Variants in TSPAN16 observed in about 807,000 individuals in gnomAD.
TSPAN16 encodes tetraspanin 16.
In TSPAN16, 23 loss-of-function variants were observed where a neutral mutation model predicts 25.2. That is an observed-to-expected ratio of 0.91 (90% CI 0.66 to 1.29). The LOEUF is 1.29. TSPAN16 is among the 50% of genes most tolerant of loss of function. The pLI, the probability that TSPAN16 is intolerant of heterozygous loss-of-function variation, is 0.00. For synonymous variants in TSPAN16, 123 were observed against 124.4 expected (o/e 0.99, Z 0.08); for missense variants, 272 against 299.9 (o/e 0.91, Z 0.69).
intron 6 of TSPAN16, 47 bp downstream of exon 6, chr19:11,312,269 C>G: frequency 7.5e-7 from 1 of 1,333,068 alleles, no homozygotes; most frequent in Non-Finnish European, 1.1e-6. Context: ...TATTAAGCAC[C>G]TACTGTATGC....
chr19:11,303,578 A>AAT (rs2080592913), intron 4 of TSPAN16, among the ~76,000 whole-genome samples: 1 of 45,168 alleles, frequency 2.2e-5, no homozygotes, highest in African/African-American at 1.2e-4. Context: ...TAAATAAATT[A>AAT]AAAAAAAAAA....
intron 3 of TSPAN16, among the ~76,000 whole-genome samples, chr19:11,300,153 T>C (rs57207337): frequency 6.6e-6 from 1 of 151,906 alleles, no homozygotes; most frequent in Non-Finnish European, 1.5e-5. Context: ...CTCTCCAGGA[T>C]AGAGTGCCGT....
In TSPAN16 at chr19:11,306,598, C is replaced by G. The variant is rs368795124; in HGVS notation, c.451-6C>G. ...ACTCTCCAAGTATTTCTTCTCCTCT[C>G]TATAGCTAAAGTGCTGTGGGGTGAA... On this transcript the variant is annotated splice_region_variant and splice_polypyrimidine_tract_variant and intron_variant, in intron 4 of 6. Coordinates refer to ENST00000590327, the MANE Select transcript of TSPAN16 (RefSeq NM_001282509.2). The G allele has an allele frequency of 1.2e-5, 20 of 1,613,022 alleles. No individual in the cohort carries two copies. Among genetic ancestry groups the G allele is most frequent in the Non-Finnish European group, 1.6e-5 (19 of 1,179,974 alleles).
At position 11,303,051 on chromosome 19, in the gene TSPAN16, A is replaced by C. The variant is rs1223486084; in HGVS notation, c.450+1743A>C. On this transcript the variant is annotated intron_variant, in intron 4 of 6. Transcript: ENST00000590327. ...CTGCCCCGCCACCACCCCGTCTGGG[A>C]GGTGTGCCCAACAGCTCATTGAGAA... Among the ~76,000 whole-genome samples, 3 of 150,406 alleles carry C rather than the reference A, an allele frequency of 2.0e-5. No homozygotes were observed. The East Asian group carries it at 5.8e-4, about 29-fold the overall frequency.
intron 5 of TSPAN16, among the ~76,000 whole-genome samples, chr19:11,310,090 C>A (rs774088650): frequency 6.6e-6 from 1 of 150,606 alleles, no homozygotes; most frequent in Non-Finnish European, 1.5e-5. Flanking sequence ...AGTGACAGGA[C>A]GAGACCCAAT....
chr19:11,315,866 C>T lies in TSPAN16; in HGVS notation c.*28C>T. 2 of 1,231,854 alleles carry T rather than the reference C, an allele frequency of 1.6e-6. No homozygotes were observed. The highest frequency in any genetic ancestry group is 4.1e-5 in the South Asian group (1 of 24,314). The allele number at this position is 1,231,854 out of a possible 1,614,324, so 76.3% of individuals were successfully genotyped here. A position where few individuals can be genotyped will look rare whatever the true frequency, so the allele number is the denominator to read the frequency against. ...CCCAGGCCTGGAGAAGATGAGACAC[C>T]TGGGCCCATCTGGCTGCTGGAGATT... On this transcript the variant is annotated 3_prime_UTR_variant, in exon 7 of 7. Transcript: ENST00000590327.
chr19:11,323,980 C>T (rs910883202), intron 6 of TSPAN16: 1 of 152,106 alleles, frequency 6.6e-6, no homozygotes, highest in African/African-American at 2.4e-5. Context: ...AAACTGCACA[C>T]GTAACCTCTG....
chr19:11,308,245 G>A (rs1288751214), intron 5 of TSPAN16, among the ~76,000 whole-genome samples: 2 of 152,120 alleles, frequency 1.3e-5, no homozygotes, highest in Non-Finnish European at 2.9e-5. Context: ...TTCTCTGAGG[G>A]AAGAAATAGA....
downstream of TSPAN16, among the ~76,000 whole-genome samples, chr19:11,318,019 T>C (rs1351281438): frequency 1.3e-5 from 2 of 151,638 alleles, no homozygotes; most frequent in Non-Finnish European, 1.5e-5. Flanking sequence ...CAGATCCTGA[T>C]CTTTTATTAT....
intron 5 of TSPAN16, chr19:11,308,064 G>A (rs2080649120): frequency 6.6e-6 from 1 of 152,200 alleles, no homozygotes; most frequent in South Asian, 2.1e-4. Flanking sequence ...CTCACTTTGT[G>A]AGTTTTGTCC....
chr19:11,318,326 A>T (rs1415272019), downstream of TSPAN16, among the ~76,000 whole-genome samples: 1 of 151,046 alleles, frequency 6.6e-6, no homozygotes. Flanking sequence ...CACCCAGCCT[A>T]ATTTTTTGTA....
intron 1 of TSPAN16, among the ~76,000 whole-genome samples, chr19:11,297,548 G>C (rs1261088584): frequency 6.6e-6 from 1 of 151,334 alleles, no homozygotes; most frequent in Admixed American, 6.6e-5. Context: ...CCAGGCTGGA[G>C]TGCAGTGGCA....
rs369062040 is a variant in TSPAN16, at chr19:11,296,374, T to G, written c.69+8T>G. On this transcript the variant is annotated splice_region_variant and intron_variant, in intron 1 of 6. Transcript: ENST00000590327. The stretch of plus-strand genomic sequence containing the variant: ...CTCAATGGCTTCGTGGCTGTAAGTA[T>G]GTCACAATCCAGGCCCCTGGTTTGT... 2 of 1,614,052 alleles carry G rather than the reference T, an allele frequency of 1.2e-6. No homozygotes were observed. Among genetic ancestry groups the G allele is most frequent in the African/African-American group, 1.3e-5 (1 of 75,054 alleles).
downstream of TSPAN16, among the ~76,000 whole-genome samples, chr19:11,319,112 C>T (rs893247916): frequency 2.6e-5 from 4 of 152,158 alleles, no homozygotes; most frequent in African/African-American, 7.2e-5. Context: ...GGGCTGAGTC[C>T]CACAAAACTG....
chr19:11,297,748 C>G (rs956496827), intron 1 of TSPAN16, among the ~76,000 whole-genome samples: 1 of 152,072 alleles, frequency 6.6e-6, no homozygotes, highest in Non-Finnish European at 1.5e-5. Flanking sequence ...CCACCTGCTT[C>G]GGCCTCCCAA....
chr19:11,325,215 G>A (rs1259432190), intron 6 of TSPAN16: 1 of 558,118 alleles, frequency 1.8e-6, no homozygotes, highest in Non-Finnish European at 3.2e-6. Context: ...CTCCCACCGG[G>A]GCTGCCTGAG....
intron 6 of TSPAN16, 56 bp from the exon 7 acceptor site, chr19:11,315,735 T>G: frequency 8.3e-7 from 1 of 1,201,226 alleles, no homozygotes; most frequent in Non-Finnish European, 1.0e-6. Context: ...TCCAGTATGA[T>G]TCTGGTTTGG....
At chr19:11,311,803 G>T (rs1045882732) in intron 5 of TSPAN16, among the ~76,000 whole-genome samples, 3 of 152,164 alleles carry the variant, frequency 2.0e-5, no homozygotes, top group Non-Finnish European at 2.9e-5. Context: ...TGGAGGTACA[G>T]AGAGGTATAG....
chr19:11,322,573 A>G (rs1278847605), intron 6 of TSPAN16: 1 of 152,198 alleles, frequency 6.6e-6, no homozygotes, highest in Non-Finnish European at 1.5e-5. Context: ...TCCCTGAGGT[A>G]ATCTGCAAAA....
Sources: gnomAD v4.1 joint callset for allele counts (sites outside exome capture counted in the v4.1 genomes callset) on GRCh38, gnomAD v4.1.1 for gene constraint, MANE v1.5 for transcripts, NCBI Gene and HGNC (gene_info 2026-07-23, HGNC 2026-07-21) for gene names.